ZNF418: variants seen among roughly 807,000 people sequenced by gnomAD.
ZNF418 encodes the protein zinc finger protein 418.
ZNF418 carries 32 observed loss-of-function variants against 32.0 expected under a neutral mutation model. That is an observed-to-expected ratio of 1.00 (90% confidence interval 0.75 to 1.34). The LOEUF (loss-of-function observed/expected upper bound fraction) is 1.34, where lower values mean the gene tolerates loss of function less well. Among genes scored for constraint, ZNF418 ranks in the 40% most tolerant of loss-of-function variants. The pLI, the probability that ZNF418 is intolerant of heterozygous loss-of-function variation, is 0.00. For missense variants in ZNF418, 804 were observed against 812.5 expected (o/e 0.99, Z 0.13); for synonymous variants, 276 against 270.7 (o/e 1.02, Z -0.19).
rs1409730344 is a variant in ZNF418 at position 57,926,816 on chromosome 19, C to G, written c.1365G>C (p.Glu455Asp). 1.2e-6 allele frequency: 2 copies of G among 1,613,924 alleles called. No individual in the cohort carries two copies. The highest frequency in any genetic ancestry group is 3.3e-5 in the Admixed American group (2 of 60,004). Residue 455 changes from glutamate to aspartate, a missense_variant, in exon 4 of 6, where the codon GAG becomes GAC. Glu to Asp is a conservative substitution (Grantham distance 45). Transcript: ENST00000396147. The part of the protein sequence containing the change: ...QRSHTGERPY[E>D]CRECRKLFRG... ...TAAATAATTTCCTACACTCTCTACA[C>G]TCATAAGGCCTTTCTCCAGTGTGGC...
In ZNF418 at chr19:57,927,037, T is replaced by C; in HGVS notation, c.1144A>G (p.Lys382Glu). Residue 382 changes from lysine to glutamate, a missense_variant, in exon 4 of 6, where the codon AAG becomes GAG. By Grantham distance (56) the Lys-to-Glu change is moderately conservative (BLOSUM62 1). Transcript: ENST00000396147. ...CEECGKCFSQ[K>E]GTLTEHHRVH... is the part of the protein sequence containing the mutation. ...CGATGATGTTCAGTTAGGGTGCCCT[T>C]TTGACTAAAACATTTTCCACATTCT... The C allele has an allele frequency of 6.2e-7, 1 of 1,614,068 alleles. No homozygotes were observed. Among genetic ancestry groups the C allele is most frequent in the Non-Finnish European group, 8.5e-7 (1 of 1,180,026 alleles).
intron 2 of ZNF418, among the ~76,000 whole-genome samples, chr19:57,931,461 C>A (rs1405258255): frequency 6.6e-6 from 1 of 152,194 alleles, no homozygotes; most frequent in Non-Finnish European, 1.5e-5. Flanking sequence ...CTCGGCCTCC[C>A]ATAGTGCTGG....
In ZNF418 at chr19:57,926,977, C is replaced by A. The variant is rs1347375252; in HGVS notation, c.1204G>T (p.Glu402Ter). 1.2e-6 allele frequency: 2 copies of A among 1,613,992 alleles called. No individual in the cohort carries two copies. The highest frequency in any genetic ancestry group is 2.2e-5 in the East Asian group (1 of 44,876). Residue 402 changes from glutamate to a stop codon, truncating the protein, a stop_gained, in exon 4 of 6, where the codon GAA (glutamate) becomes TAA (stop). Coordinates refer to ENST00000396147, the MANE Select transcript of ZNF418 (RefSeq NM_133460.3). LOFTEE classifies it low-confidence loss of function (END_TRUNC). ...HTRERPYECG[E>*]CGKSFSRKGH... is the part of the protein sequence containing the mutation. ...TTTCGACTAAAAGATTTCCCACATT[C>A]TCCACACTCATAAGGTCGTTCTCTA...
chr19:57,923,599 G>A (rs371835721), intron 4 of ZNF418, among the ~76,000 whole-genome samples: 1 of 148,228 alleles, frequency 6.7e-6, no homozygotes, highest in Non-Finnish European at 1.5e-5. Context: ...TTTTGAGACC[G>A]AGTCTTGCTC....
chr19:57,923,541 C>CATGTATAT (rs1355882794), intron 4 of ZNF418, among the ~76,000 whole-genome samples: 1 of 68,112 alleles, frequency 1.5e-5, no homozygotes, highest in Non-Finnish European at 3.7e-5. Context: ...TATATACATA[C>CATGTATAT]ACACACACAC....
chr19:57,933,702 T>C (rs1409649562), intron 2 of ZNF418, 115 bp downstream of exon 2: 23 of 1,357,680 alleles, frequency 1.7e-5, no homozygotes, highest in East Asian at 9.2e-5. Context: ...GCCTGGGCGA[T>C]AGAGCGAGAC....
chr19:57,923,458 A>G (rs796147311), intron 4 of ZNF418, among the ~76,000 whole-genome samples, 169 bp from the exon 5 acceptor site: 16 of 136,152 alleles, frequency 1.2e-4, no homozygotes, highest in South Asian at 2.2e-4. Flanking sequence ...ATACACACAT[A>G]TATATACATA....
Position 57,932,374 on chromosome 19 carries a change from T to C in ZNF418, c.6+1443A>G, listed in dbSNP as rs1055127218. 6 of 1,505,704 alleles carry C rather than the reference T, an allele frequency of 4.0e-6. No individual in the cohort carries two copies. In the Admixed American group the frequency reaches 5.9e-5, roughly 15 times the overall value. The allele number at this position is 1,505,704 out of a possible 1,614,324, so 93.3% of individuals were successfully genotyped here. A position where few individuals can be genotyped will look rare whatever the true frequency, so the allele number is the denominator to read the frequency against. On this transcript the variant is annotated intron_variant, in intron 2 of 5. Coordinates refer to ENST00000396147, the MANE Select transcript of ZNF418 (RefSeq NM_133460.3). Reference sequence around the variant, plus strand: ...TTTCATTTTCGGCCTTATGCCACAATGTGGCTGACAGAATTCAGAGTATGC... The same window carrying C: ...TTTCATTTTCGGCCTTATGCCACAACGTGGCTGACAGAATTCAGAGTATGC...
intron 4 of ZNF418, among the ~76,000 whole-genome samples, chr19:57,924,178 T>G (rs1431943943): frequency 3.9e-5 from 6 of 152,092 alleles, no homozygotes; most frequent in Non-Finnish European, 1.5e-5. Flanking sequence ...TTTTCTATTA[T>G]TTTTGACAAA....
Position 57,930,515 on chromosome 19 carries a change from G to C in ZNF418, c.46C>G (p.Gln16Glu). Reference sequence around the variant, plus strand: ...TCACTAAGGAGACTCCACTCCTCCTGGGAAAAGTTCACAGCCACATCTTCA... The same window carrying C: ...TCACTAAGGAGACTCCACTCCTCCTCGGAAAAGTTCACAGCCACATCTTCA... The part of the protein sequence containing the change: ...AFEDVAVNFS[Q>E]EEWSLLSEVQ... Residue 16 changes from glutamine (Q) to glutamate (E), a missense_variant, in exon 3 of 6, where the codon CAG (glutamine) becomes GAG (glutamate). By Grantham distance (29) the Gln-to-Glu change is conservative. Transcript: ENST00000396147. 1 of 1,614,090 alleles carries C rather than the reference G, an allele frequency of 6.2e-7. No individual in the cohort carries two copies. Among genetic ancestry groups the C allele is most frequent in the Non-Finnish European group, 8.5e-7 (1 of 1,180,018 alleles).
chr19:57,934,843 C>G (rs2072629995), intron 1 of ZNF418: 2 of 353,738 alleles, frequency 5.7e-6, no homozygotes, highest in Non-Finnish European at 9.9e-6. Flanking sequence ...CTTCTAGCGT[C>G]TTCACAGCGA....
chr19:57,922,033 T>C lies in ZNF418; in HGVS notation c.*1222A>G, dbSNP rs1051641431. On this transcript the variant is annotated 3_prime_UTR_variant, in exon 6 of 6. Coordinates refer to ENST00000396147, the MANE Select transcript of ZNF418 (RefSeq NM_133460.3). ...TCCGCCTAGCTCAAAACAAAGGGCC[T>C]CATTCCAAGGAACAGGCCAGGGGTT... 6.6e-6 allele frequency: 1 copy of C among 152,326 alleles called. No homozygotes were observed. The highest frequency in any genetic ancestry group is 1.5e-5 in the Non-Finnish European group (1 of 68,138). 9.4% of individuals were successfully genotyped at this position (152,326 alleles called of 1,614,324 possible). A position where few individuals can be genotyped will look rare whatever the true frequency, so the allele number is the denominator to read the frequency against.
rs2072258055 is a variant in ZNF418 at position 57,926,970 on chromosome 19, C to T, written c.1211G>A (p.Gly404Glu). 6.2e-7 allele frequency: 1 copy of T among 1,613,970 alleles called. No individual in the cohort carries two copies. Among genetic ancestry groups the T allele is most frequent in the African/African-American group, 1.3e-5 (1 of 74,860 alleles). Residue 404 changes from glycine to glutamate, a missense_variant, in exon 4 of 6, where the codon GGG becomes GAG. Transcript: ENST00000396147. ...RERPYECGEC[G>E]KSFSRKGHLR... is the part of the protein sequence containing the mutation. ...GTGTCCCTTTCGACTAAAAGATTTC[C>T]CACATTCTCCACACTCATAAGGTCG...
At chr19:57,930,061 C>T (rs145236381) in intron 3 of ZNF418, among the ~76,000 whole-genome samples, 23 of 152,172 alleles carry the variant, frequency 1.5e-4, no homozygotes, top group Admixed American at 1.5e-3. Flanking sequence ...CAATTCCTGC[C>T]ACAGGCAGGC....
chr19:57,930,399 G>C, intron 3 of ZNF418, 29 bp downstream of exon 3: 1 of 1,613,804 alleles, frequency 6.2e-7, no homozygotes, highest in Non-Finnish European at 8.5e-7. Flanking sequence ...GATCTATTCA[G>C]GAAATAGGGT....
rs1568544312 is a variant in ZNF418 at position 57,927,122 on chromosome 19, C to T, written c.1059G>A (p.Gln353=). 1.2e-6 allele frequency: 2 copies of T among 1,612,654 alleles called. No individual in the cohort carries two copies. The highest frequency in any genetic ancestry group is 4.5e-5 in the East Asian group (2 of 44,762). ...GTTGATGTTGAATGAGATTGCCCTT[C>T]TGAGTAAAACATTTCCCACATTCTT... The part of the protein sequence containing the change: ...ECEECGKCFT[Q]KGNLIQHQRG... The change falls in exon 4 of 6, where the codon CAG becomes CAA. Residue 353 remains glutamine (Q), a synonymous_variant. Coordinates refer to ENST00000396147, the MANE Select transcript of ZNF418 (RefSeq NM_133460.3).
intron 2 of ZNF418, among the ~76,000 whole-genome samples, chr19:57,931,992 C>G (rs1162483109): frequency 6.6e-6 from 1 of 152,204 alleles, no homozygotes; most frequent in African/African-American, 2.4e-5. Flanking sequence ...CCATCCACAG[C>G]AATTTCAAAA....
At chr19:57,931,151 G>A (rs2072470860) in intron 2 of ZNF418, among the ~76,000 whole-genome samples, 1 of 152,124 alleles carries the variant, frequency 6.6e-6, no homozygotes, top group Admixed American at 6.5e-5. Flanking sequence ...CTCACATAAA[G>A]CCCAGTGCAG....
Position 57,927,790 on chromosome 19 carries a change from A to G in ZNF418, c.391T>C (p.Tyr131His). ...CTTCTATAGGGTTTCTCTCCAAGGTACTGATTCTGGTGCGGACGGTTTGAA... is the reference window on the plus strand; with the variant it reads ...CTTCTATAGGGTTTCTCTCCAAGGTGCTGATTCTGGTGCGGACGGTTTGAA... ...DSSNRPHQNQYLGEKPYRSSV... is the reference protein window; with the variant it reads ...DSSNRPHQNQHLGEKPYRSSV... Residue 131 changes from tyrosine (Y) to histidine (H), a missense_variant, in exon 4 of 6, where the codon TAC becomes CAC. Transcript: ENST00000396147. The G allele has an allele frequency of 6.2e-7, 1 of 1,614,196 alleles. No homozygotes were observed. Among genetic ancestry groups the G allele is most frequent in the Non-Finnish European group, 8.5e-7 (1 of 1,180,040 alleles).
Sources: gnomAD v4.1 joint callset for allele counts (sites outside exome capture counted in the v4.1 genomes callset) on GRCh38, gnomAD v4.1.1 for gene constraint, MANE v1.5 for transcripts, NCBI Gene and HGNC (gene_info 2026-07-23, HGNC 2026-07-21) for gene names.